JAKMIP3: variants seen among roughly 807,000 people sequenced by gnomAD.
JAKMIP3 encodes the protein Janus kinase and microtubule interacting protein 3.
A neutral mutation model predicts 118.5 loss-of-function variants in JAKMIP3; 58 were observed. That is an observed-to-expected ratio of 0.49 (90% CI 0.40 to 0.61). The LOEUF is 0.61. JAKMIP3 is among the 20% of genes least tolerant of loss of function. The pLI is 0.00. For missense variants in JAKMIP3, 950 were observed against 1,109.0 expected, an observed-to-expected ratio of 0.86 and a Z score of 2.04; for synonymous variants, 486 against 451.2, an observed-to-expected ratio of 1.08 and a Z score of -0.98.
intron 19 of JAKMIP3, among the ~76,000 whole-genome samples, chr10:132,157,127 G>C (rs560697814): frequency 5.3e-5 from 8 of 152,282 alleles, no homozygotes; most frequent in Admixed American, 2.6e-4. Context: ...GTTCACAGTA[G>C]AAAAGGACAT....
In JAKMIP3 at chr10:132,055,071, C is replaced by T. The variant is rs539312911; in HGVS notation, c.-138+18333C>T. On this transcript the variant is annotated intron_variant, in intron 1 of 23. Transcript: ENST00000657785. Reference sequence around the variant, plus strand: ...TTGGATGCTTTGGGGGCTCAGGGGGCGCAGATTTCTTAGGGCTGCTGGGGT... The same window carrying T: ...TTGGATGCTTTGGGGGCTCAGGGGGTGCAGATTTCTTAGGGCTGCTGGGGT... 4.5e-4 allele frequency among the ~76,000 whole-genome samples: 68 copies of T among 152,216 alleles called. 1 individual carries two copies. In the Middle Eastern group the frequency reaches 0.01, roughly 23 times the overall value.
At chr10:132,068,985 A>G (rs1342866222) in intron 1 of JAKMIP3, among the ~76,000 whole-genome samples, 2 of 152,086 alleles carry the variant, frequency 1.3e-5, no homozygotes, top group African/African-American at 2.4e-5. Context: ...GATCAGGAGG[A>G]TTTGCAGACC....
chr10:132,170,833 G>A (rs758832817), intron 23 of JAKMIP3, among the ~76,000 whole-genome samples: 11 of 152,210 alleles, frequency 7.2e-5, no homozygotes, highest in South Asian at 2.1e-4. Flanking sequence ...GTACAGCTCC[G>A]CACAGAAGAC....
intron 23 of JAKMIP3, among the ~76,000 whole-genome samples, chr10:132,180,391 A>G: frequency 9.1e-6 from 1 of 110,316 alleles, no homozygotes; most frequent in Non-Finnish European, 1.7e-5. Flanking sequence ...TGAGGTCCTC[A>G]GCTGACTGTG....
intron 1 of JAKMIP3, among the ~76,000 whole-genome samples, chr10:132,073,895 G>A (rs1197346576): frequency 6.6e-6 from 1 of 152,168 alleles, no homozygotes; most frequent in Admixed American, 6.5e-5. Context: ...ACCCAATGTT[G>A]AGATTGCTGG....
chr10:132,042,610 A>G (rs1215945911), intron 1 of JAKMIP3, among the ~76,000 whole-genome samples: 2 of 152,150 alleles, frequency 1.3e-5, no homozygotes, highest in Non-Finnish European at 2.9e-5. Flanking sequence ...GCAGGCTCTC[A>G]GGAACCAGGG....
intron 23 of JAKMIP3, among the ~76,000 whole-genome samples, chr10:132,174,467 T>C (rs2059966501): frequency 6.6e-6 from 1 of 152,144 alleles, no homozygotes; most frequent in Admixed American, 6.5e-5. Context: ...GTTTTCCTTC[T>C]GTTCCCGAGC....
chr10:132,180,664 T>TGCGC lies in JAKMIP3; in HGVS notation c.*1104-1690_*1104-1689insCGCG, dbSNP rs1180212704. Among the ~76,000 whole-genome samples, 51 of 31,652 alleles carry TGCGC rather than the reference T, an allele frequency of 1.6e-3. 11 individuals carry two copies. Among genetic ancestry groups the TGCGC allele is most frequent in the African/African-American group, 9.5e-3 (51 of 5,386 alleles). The allele number at this position is 31,652 out of a possible 152,430, so 20.8% of individuals were successfully genotyped here. The stretch of plus-strand genomic sequence containing the variant: ...GTGTGTGCGTGTGCGTGTGCGTGTG[T>TGCGC]GCGTGTGTGTGCGCGCGCGTGTGTG... On this transcript the variant is annotated intron_variant, in intron 23 of 23. Transcript: ENST00000684848.
At chr10:132,108,279 G>A (rs1001858630) in intron 2 of JAKMIP3, among the ~76,000 whole-genome samples, 6 of 152,262 alleles carry the variant, frequency 3.9e-5, no homozygotes, top group Admixed American at 6.5e-5. Flanking sequence ...GCCCAGGGCC[G>A]CTCAGCATCT....
At chr10:132,068,889 T>C (rs571926588) in intron 1 of JAKMIP3, among the ~76,000 whole-genome samples, 16 of 152,144 alleles carry the variant, frequency 1.1e-4, no homozygotes, top group African/African-American at 3.9e-4. Flanking sequence ...AGAATTGGTC[T>C]CCAGAAAAAC....
rs975060785 is a variant in JAKMIP3 at position 132,049,518 on chromosome 10, A to G, written c.-138+12780A>G. Among the ~76,000 whole-genome samples the G allele has an allele frequency of 9.2e-5, 14 of 151,378 alleles. No individual in the cohort carries two copies. Among genetic ancestry groups the G allele is most frequent in the African/African-American group, 3.4e-4 (14 of 41,124 alleles). On this transcript the variant is annotated intron_variant, in intron 1 of 23. Coordinates refer to the JAKMIP3 transcript ENST00000657785. This position sits in a 1 kb window ranked among gnomAD's most constrained non-coding sequence, Gnocchi z 4.3. ...CTTTTTTTTTTCCTGAGTTCAATAC[A>G]TTCTTTTTTCATTTCTCTGATTTTT...
chr10:132,096,920 T>C (rs2043949104), intron 1 of JAKMIP3, among the ~76,000 whole-genome samples: 2 of 151,772 alleles, frequency 1.3e-5, no homozygotes, highest in Admixed American at 1.3e-4. Flanking sequence ...AGACAAACCA[T>C]CCCCAAGAAG....
chr10:132,094,894 G>A (rs897351993), intron 1 of JAKMIP3, among the ~76,000 whole-genome samples: 2 of 152,154 alleles, frequency 1.3e-5, no homozygotes, highest in Non-Finnish European at 2.9e-5. Flanking sequence ...CTCTTGGGCG[G>A]GTCTTGCTGT....
In JAKMIP3 at chr10:132,136,230, A is replaced by G. The variant is rs113857472; in HGVS notation, c.1116+154A>G. Among the ~76,000 whole-genome samples the G allele has an allele frequency of 3.8e-3, 580 of 151,992 alleles. 1 individual carries two copies. Among genetic ancestry groups the G allele is most frequent in the African/African-American group, 0.013 (552 of 41,452 alleles). Reference sequence around the variant, plus strand: ...CTGGCCTCACGCATGTTTGAAGGGGAGCAACCGCCAAGCCCAGCCCTGGGG... The same window carrying G: ...CTGGCCTCACGCATGTTTGAAGGGGGGCAACCGCCAAGCCCAGCCCTGGGG... On this transcript the variant is annotated intron_variant, in intron 6 of 23. Coordinates refer to ENST00000684848, the MANE Select transcript of JAKMIP3 (RefSeq NM_001323087.2).
chr10:132,104,627 C>T (rs190149810), intron 1 of JAKMIP3, 45 bp from the exon 2 acceptor site: 390 of 635,780 alleles, frequency 6.1e-4, no homozygotes, highest in Non-Finnish European at 9.1e-4. Context: ...CTCCAGGCCA[C>T]GGCTCCGGAG....
intron 1 of JAKMIP3, among the ~76,000 whole-genome samples, chr10:132,037,915 G>C (rs2037567647): frequency 6.6e-6 from 1 of 152,254 alleles, no homozygotes; most frequent in African/African-American, 2.4e-5. Context: ...TTGGCCCCGA[G>C]TCGGTTGCAG....
At chr10:132,143,083 G>A (rs74161731) in intron 11 of JAKMIP3, among the ~76,000 whole-genome samples, 2,463 of 151,712 alleles carry the variant, frequency 0.016, 75 homozygotes, top group African/African-American at 0.055. Context: ...CATTGGGGAC[G>A]TCTGTTGTGA....
intron 19 of JAKMIP3, among the ~76,000 whole-genome samples, chr10:132,155,954 C>A (rs1589975036): frequency 6.6e-6 from 1 of 152,256 alleles, no homozygotes; most frequent in East Asian, 1.9e-4. Flanking sequence ...GGGGCGGCTC[C>A]CAGGCACAGG....
intron 2 of JAKMIP3, among the ~76,000 whole-genome samples, chr10:132,111,350 C>T (rs955995308): frequency 1.3e-3 from 30 of 23,524 alleles, no homozygotes; most frequent in African/African-American, 5.8e-3. Context: ...GGAGCAGAGA[C>T]CCCCCCCATG....
Sources: allele counts gnomAD v4.1 joint callset (sites outside exome capture counted in the v4.1 genomes callset), GRCh38; gene constraint gnomAD v4.1.1; non-coding constraint Gnocchi (gnomAD v3.1); transcripts MANE v1.5; gene names NCBI Gene and HGNC (gene_info 2026-07-23, HGNC 2026-07-21).